The following GCC2 variants were observed in gnomAD, a reference collection of about 807,000 sequenced individuals.
GCC2 encodes the protein GRIP and coiled-coil domain containing 2.
A neutral mutation model predicts 210.6 loss-of-function variants in GCC2; 120 were observed. That is an observed-to-expected ratio of 0.57 (90% CI 0.49 to 0.66). GCC2 has a LOEUF of 0.66. GCC2 is among the 30% of genes least tolerant of loss of function. The pLI, the probability that GCC2 is intolerant of heterozygous loss-of-function variation, is 0.00. For synonymous variants in GCC2, 703 were observed against 652.7 expected, an observed-to-expected ratio of 1.08 and a Z score of -1.17; for missense variants, 1,868 against 1,871.9, an observed-to-expected ratio of 1.00 and a Z score of 0.04.
In GCC2 at chr2:108,484,198, G is replaced by A. The variant is rs753276945; in HGVS notation, c.3500G>A (p.Arg1167His). The A allele has an allele frequency of 1.7e-5, 27 of 1,590,574 alleles. No homozygotes were observed. The highest frequency in any genetic ancestry group is 9.1e-5 in the Admixed American group (5 of 54,720). Residue 1167 changes from arginine (R) to histidine (H), a missense_variant, in exon 13 of 23, where the codon CGT becomes CAT. This residue lies in a region of GCC2 where 1,847 missense variants were observed against 1,765.2 expected (regional missense o/e 1.05). Coordinates refer to ENST00000309863, the MANE Select transcript of GCC2 (RefSeq NM_181453.4). Reference protein sequence around the residue: ...LMNMEIADYERLMKELNQKLT... With the variant: ...LMNMEIADYEHLMKELNQKLT... The stretch of plus-strand genomic sequence containing the variant: ...AATATGGAAATAGCTGATTATGAAC[G>A]TTTGATGAAAGAACTAAATCAAAAG...
chr2:108,498,194 T>C (rs1416433277), intron 21 of GCC2, among the ~76,000 whole-genome samples: 5 of 121,664 alleles, frequency 4.1e-5, no homozygotes, highest in Admixed American at 8.1e-5. Context: ...TTTTTTTTTT[T>C]TTTTTTTTTT....
At chr2:108,466,536 G>A (rs1460855073) in intron 4 of GCC2, among the ~76,000 whole-genome samples, 1 of 151,678 alleles carries the variant, frequency 6.6e-6, no homozygotes, top group Non-Finnish European at 1.5e-5. Context: ...GCAATGGGGC[G>A]ATCCCAGCTT....
At chr2:108,450,048 G>C (rs1348556078) in intron 2 of GCC2, 1 of 209,452 alleles carries the variant, frequency 4.8e-6, no homozygotes, top group Non-Finnish European at 9.6e-6. Flanking sequence ...TTGCCAAAGA[G>C]TTTAATTAGT....
chr2:108,475,820 A>G lies in GCC2; in HGVS notation c.3030A>G (p.Arg1010=), dbSNP rs768202885. Residue 1010 remains arginine, a synonymous_variant, in exon 9 of 23, where the codon AGA becomes AGG. Transcript: ENST00000309863. The stretch of plus-strand genomic sequence containing the variant: ...AGGACCAGTTATCTGCTTCCATGAG[A>G]GATCTCATTCAAGGAGCAGAAAGCT... ...SEKDQLSASM[R]DLIQGAESYK... is the part of the protein sequence containing the mutation. The G allele has an allele frequency of 2.5e-6, 4 of 1,593,470 alleles. No homozygotes were observed. The Admixed American group carries it at 5.3e-5, about 21-fold the overall frequency.
intron 4 of GCC2, among the ~76,000 whole-genome samples, chr2:108,456,634 G>A (rs546412205): frequency 2.0e-4 from 30 of 152,236 alleles, no homozygotes; most frequent in Non-Finnish European, 3.5e-4. Context: ...TCCCATTTAA[G>A]AGGTTGTCTT....
chr2:108,484,109 A>C (rs1255720963), intron 12 of GCC2, 40 bp from the exon 13 acceptor site: 2 of 1,409,796 alleles, frequency 1.4e-6, no homozygotes, highest in Non-Finnish European at 1.9e-6. Flanking sequence ...AAATGAACTG[A>C]TCTACTATTG....
At chr2:108,466,241 C>T (rs1330940872) in intron 4 of GCC2, among the ~76,000 whole-genome samples, 1 of 152,098 alleles carries the variant, frequency 6.6e-6, no homozygotes, top group African/African-American at 2.4e-5. Flanking sequence ...GTGGTCTCTA[C>T]TCTGTGGGCC....
At chr2:108,501,347 T>C (rs1682919453) in intron 22 of GCC2, among the ~76,000 whole-genome samples, 2 of 152,282 alleles carry the variant, frequency 1.3e-5, no homozygotes, top group South Asian at 2.1e-4. Context: ...GTGCCACTTA[T>C]TGAAGAAAGT....
intron 7 of GCC2, 69 bp downstream of exon 7, chr2:108,472,968 G>T: frequency 1.2e-6 from 1 of 866,926 alleles, no homozygotes; most frequent in Non-Finnish European, 1.8e-6. Flanking sequence ...GAATAGATTG[G>T]GAAATATAGT....
chr2:108,489,057 T>TA (rs1161589541), intron 17 of GCC2, among the ~76,000 whole-genome samples: 1 of 152,292 alleles, frequency 6.6e-6, no homozygotes, highest in East Asian at 1.9e-4. Context: ...ATACGTTTTT[T>TA]AAAAAAAGAA....
Position 108,503,188 on chromosome 2 carries a change from A to T in GCC2, c.4984+3434A>T, listed in dbSNP as rs939106801. Among the ~76,000 whole-genome samples, 31 of 152,062 alleles carry T rather than the reference A, an allele frequency of 2.0e-4. No homozygotes were observed. In the East Asian group the frequency reaches 5.6e-3, roughly 28 times the overall value. On this transcript the variant is annotated intron_variant, in intron 22 of 22. Transcript: ENST00000309863. ...GTATTAAAAAAAAAAGAAGAAATCT[A>T]CTTCTAGTCACATAAGAGTAAAACT... is the stretch of plus-strand genomic sequence containing the variant.
At chr2:108,507,276 C>T (rs1683238307) in intron 22 of GCC2, among the ~76,000 whole-genome samples, 1 of 151,904 alleles carries the variant, frequency 6.6e-6, no homozygotes, top group African/African-American at 2.4e-5. Context: ...ACCTTGTGGT[C>T]CCAGTTGCTT....
At chr2:108,475,385 C>T in intron 7 of GCC2, 150 bp from the exon 8 acceptor site, 1 of 468,446 alleles carries the variant, frequency 2.1e-6, no homozygotes, top group Non-Finnish European at 3.8e-6. Context: ...TAAAATTCCA[C>T]TTTAAAAAAT....
intron 4 of GCC2, among the ~76,000 whole-genome samples, chr2:108,455,995 T>C (rs1205274500): frequency 3.3e-5 from 5 of 152,032 alleles, no homozygotes; most frequent in African/African-American, 1.2e-4. Context: ...AACTGTTTTC[T>C]TTTTTTTGAG....
In GCC2 at chr2:108,489,855, T is replaced by A; in HGVS notation, c.4070T>A (p.Leu1357Gln). 1 of 1,601,918 alleles carries A rather than the reference T, an allele frequency of 6.2e-7. No homozygotes were observed. The highest frequency in any genetic ancestry group is 8.5e-7 in the Non-Finnish European group (1 of 1,175,996). Residue 1357 changes from leucine (L) to glutamine (Q), a missense_variant, in exon 18 of 23, where the codon CTG becomes CAG. By Grantham distance (113) the Leu-to-Gln change is moderately radical. Around this residue, in one of 3 missense-constraint regions of GCC2, gnomAD observed 1,847 missense variants for 1,765.2 expected, o/e 1.05. Coordinates refer to ENST00000309863, the MANE Select transcript of GCC2 (RefSeq NM_181453.4). ...AKQEREHLEM[L>Q]IDQLKIKLQD... The stretch of plus-strand genomic sequence containing the variant: ...TGTTTTAGGGAACATCTGGAAATGC[T>A]GATTGACCAGCTAAAAATCAAATTA...
chr2:108,449,522 C>A, intron 1 of GCC2, 111 bp from the exon 2 acceptor site: 2 of 1,273,666 alleles, frequency 1.6e-6, no homozygotes, highest in South Asian at 1.2e-5. Flanking sequence ...TCTCACGAGG[C>A]TTTCCACCAC....
At position 108,481,721 on chromosome 2, in the gene GCC2, C is replaced by T; in HGVS notation, c.3085C>T (p.Gln1029Ter). The T allele has an allele frequency of 6.3e-7, 1 of 1,597,908 alleles. No individual in the cohort carries two copies. The highest frequency in any genetic ancestry group is 8.5e-7 in the Non-Finnish European group (1 of 1,171,362). The change falls in exon 10 of 23, where the codon CAG becomes TAG. Residue 1029 changes from glutamine to a stop codon, truncating the protein, a stop_gained. Transcript: ENST00000309863. LOFTEE classifies it high-confidence loss of function. ...GAATCTTTTATTAGAATATGAAAAG[C>T]AGTCAGAGCAACTGGATGTGGAAAA... ...YKNLLLEYEK[Q>*]SEQLDVEKER...
In GCC2 at chr2:108,471,808, G is replaced by C. The variant is rs1296418496; in HGVS notation, c.2479G>C (p.Glu827Gln). Residue 827 changes from glutamate to glutamine, a missense_variant, in exon 6 of 23, where the codon GAA becomes CAA. Around this residue, in one of 3 missense-constraint regions of GCC2, gnomAD observed 1,847 missense variants for 1,765.2 expected, o/e 1.05. Coordinates refer to ENST00000309863, the MANE Select transcript of GCC2 (RefSeq NM_181453.4). ...CLQEESVVQC[E>Q]ELKSLLRDYE... ...TCAAGAAGAGAGTGTAGTTCAGTGTGAAGAACTTAAGTCTTTATTGAGAGA... is the reference window on the plus strand; with the variant it reads ...TCAAGAAGAGAGTGTAGTTCAGTGTCAAGAACTTAAGTCTTTATTGAGAGA... The C allele has an allele frequency of 6.2e-7, 1 of 1,613,288 alleles. No homozygotes were observed. The highest frequency in any genetic ancestry group is 8.5e-7 in the Non-Finnish European group (1 of 1,179,376).
At position 108,485,501 on chromosome 2, in the gene GCC2, T is replaced by G. The variant is rs934494210; in HGVS notation, c.3614-135T>G. ...GCACTGTTGTTACTACTGTCACATA[T>G]GTTTGAAGTATTCCATAATAAAAAG... On this transcript the variant is annotated intron_variant, in intron 13 of 22. Coordinates refer to ENST00000309863, the MANE Select transcript of GCC2 (RefSeq NM_181453.4). 7 of 554,782 alleles carry G rather than the reference T, an allele frequency of 1.3e-5. No homozygotes were observed. In the African/African-American group the frequency reaches 1.3e-4, roughly 11 times the overall value. 34.4% of individuals were successfully genotyped at this position (554,782 alleles called of 1,614,324 possible).
Sources: gnomAD v4.1 joint callset for allele counts (sites outside exome capture counted in the v4.1 genomes callset) on GRCh38, gnomAD v4.1.1 for gene constraint, gnomAD v4.1.1 regional missense constraint, MANE v1.5 for transcripts, NCBI Gene and HGNC (gene_info 2026-07-23, HGNC 2026-07-21) for gene names.